CLYBL: variants seen among roughly 807,000 people sequenced by gnomAD.
The protein encoded by CLYBL is citramalyl-CoA lyase, also known as citramalyl-CoA lyase, mitochondrial.
CLYBL carries 31 observed loss-of-function variants against 38.9 expected under a neutral mutation model. That is an observed-to-expected ratio of 0.80 (90% CI 0.60 to 1.08). CLYBL has a LOEUF of 1.08. Among genes scored for constraint, CLYBL ranks in the 50% least tolerant of loss-of-function variants. CLYBL has a pLI of 0.00. For synonymous variants in CLYBL, 171 were observed against 158.6 expected, an observed-to-expected ratio of 1.08 and a Z score of -0.59; for missense variants, 434 against 411.6, an observed-to-expected ratio of 1.05 and a Z score of -0.47.
intron 2 of CLYBL, among the ~76,000 whole-genome samples, chr13:99,809,023 G>A (rs1234770474): frequency 6.6e-6 from 1 of 152,128 alleles, no homozygotes; most frequent in Non-Finnish European, 1.5e-5. Context: ...GATGGCTGGG[G>A]GAGGTGGGGT....
chr13:99,787,701 A>G (rs1263320953), intron 2 of CLYBL, among the ~76,000 whole-genome samples: 1 of 152,158 alleles, frequency 6.6e-6, no homozygotes, highest in Admixed American at 6.5e-5. Flanking sequence ...TTGGTTCCAT[A>G]TGAACTTTAA....
chr13:99,675,355 A>G (rs1200876713), intron 1 of CLYBL, among the ~76,000 whole-genome samples: 1 of 152,224 alleles, frequency 6.6e-6, no homozygotes, highest in Non-Finnish European at 1.5e-5. Context: ...AGCTTTATTG[A>G]GATATAATTT....
At chr13:99,676,198 T>G (rs755365804) in intron 1 of CLYBL, among the ~76,000 whole-genome samples, 157 of 63,034 alleles carry the variant, frequency 2.5e-3, no homozygotes, top group Middle Eastern at 8.2e-3. Context: ...CCTTCCTTCC[T>G]TCCTTCCTTC....
At chr13:99,810,745 A>G (rs1489213384) in intron 2 of CLYBL, among the ~76,000 whole-genome samples, 1 of 152,170 alleles carries the variant, frequency 6.6e-6, no homozygotes, top group Non-Finnish European at 1.5e-5. Context: ...CGGGGAGGCC[A>G]TCACCATGGT....
At chr13:99,804,087 G>C (rs1476144014) in intron 2 of CLYBL, among the ~76,000 whole-genome samples, 1 of 152,240 alleles carries the variant, frequency 6.6e-6, no homozygotes, top group Non-Finnish European at 1.5e-5. Context: ...TCAGAGGGTG[G>C]AGTGAGGACA....
rs540514036 is a variant in CLYBL, at chr13:99,763,151, C to T, written c.63-9673C>T. 2.6e-4 allele frequency among the ~76,000 whole-genome samples: 39 copies of T among 152,218 alleles called. 1 individual carries two copies. Among genetic ancestry groups the T allele is most frequent in the East Asian group, 2.1e-3 (11 of 5,186 alleles). ...GACTTCTTCTTTTCCAGTTTGGATA[C>T]CCTTTATTTTTTTCTCTTGCCTAAT... On this transcript the variant is annotated intron_variant, in intron 1 of 8. Transcript: ENST00000339105.
At chr13:99,789,974 T>A (rs1458937725) in intron 2 of CLYBL, among the ~76,000 whole-genome samples, 1 of 152,208 alleles carries the variant, frequency 6.6e-6, no homozygotes, top group Non-Finnish European at 1.5e-5. Flanking sequence ...TCTCTTTTGA[T>A]CTTTGTTGGT....
intron 2 of CLYBL, among the ~76,000 whole-genome samples, chr13:99,821,641 G>A (rs1363731517): frequency 1.3e-5 from 2 of 152,202 alleles, no homozygotes; most frequent in Non-Finnish European, 2.9e-5. Context: ...ATTGAGTCCA[G>A]ACTCAGGAGG....
At chr13:99,648,473 G>T (rs1023070869) in intron 1 of CLYBL, among the ~76,000 whole-genome samples, 2 of 152,144 alleles carry the variant, frequency 1.3e-5, no homozygotes, top group Admixed American at 1.3e-4. Flanking sequence ...GCTAGCCCTG[G>T]TTTTTTGTGA....
In CLYBL at chr13:99,790,939, C is replaced by T. The variant is rs1171023685; in HGVS notation, c.249+17929C>T. Among the ~76,000 whole-genome samples the T allele has an allele frequency of 2.6e-5, 4 of 152,162 alleles. No individual in the cohort carries two copies. In the East Asian group the frequency reaches 7.7e-4, roughly 29 times the overall value. Reference sequence around the variant, plus strand: ...ATGGCTCCTGAGAAACGGCTTCCTTCTGAAGCATAGAAGCAACTTATATGA... The same window carrying T: ...ATGGCTCCTGAGAAACGGCTTCCTTTTGAAGCATAGAAGCAACTTATATGA... On this transcript the variant is annotated intron_variant, in intron 2 of 8. Coordinates refer to ENST00000339105, the MANE Select transcript of CLYBL (RefSeq NM_206808.5).
At chr13:99,626,044 C>T (rs1256681432) in intron 1 of CLYBL, among the ~76,000 whole-genome samples, 1 of 152,180 alleles carries the variant, frequency 6.6e-6, no homozygotes, top group Non-Finnish European at 1.5e-5. Flanking sequence ...TTCAAGTGGC[C>T]AGTGCAGTAC....
intron 7 of CLYBL, 71 bp downstream of exon 7, chr13:99,871,133 G>A (rs1228143553): frequency 3.9e-6 from 6 of 1,523,270 alleles, no homozygotes; most frequent in Admixed American, 1.7e-5. Context: ...AAACAAATAT[G>A]TTGTGTGAAT....
rs1555314795 is a variant in CLYBL at position 99,833,007 on chromosome 13, CAT to C, written c.250-25831_250-25830del. Among the ~76,000 whole-genome samples, 362 of 51,554 alleles carry C rather than the reference CAT, an allele frequency of 7.0e-3. 5 individuals are homozygous for C. Among genetic ancestry groups the C allele is most frequent in the African/African-American group, 0.019 (240 of 12,968 alleles). The allele number at this position is 51,554 out of a possible 152,430, so 33.8% of individuals were successfully genotyped here. The stretch of plus-strand genomic sequence containing the variant: ...TAAGTAGTATATACATACATACATA[CAT>C]ATATATATATATATATATATATTTT... On this transcript the variant is annotated intron_variant, in intron 2 of 8. Coordinates refer to ENST00000339105, the MANE Select transcript of CLYBL (RefSeq NM_206808.5).
At chr13:99,845,555 G>T (rs1261017521) in intron 2 of CLYBL, among the ~76,000 whole-genome samples, 4 of 152,236 alleles carry the variant, frequency 2.6e-5, no homozygotes, top group African/African-American at 7.2e-5. Flanking sequence ...CAAATGCGGT[G>T]CCAGCCACGG....
At chr13:99,749,536 T>G (rs1310617980) in intron 1 of CLYBL, among the ~76,000 whole-genome samples, 2 of 152,196 alleles carry the variant, frequency 1.3e-5, no homozygotes, top group Non-Finnish European at 2.9e-5. Flanking sequence ...GAGTCCTTCC[T>G]TAGAAGCAAA....
At chr13:99,758,092 A>G (rs1017159203) in intron 1 of CLYBL, among the ~76,000 whole-genome samples, 2 of 152,202 alleles carry the variant, frequency 1.3e-5, no homozygotes, top group African/African-American at 4.8e-5. Flanking sequence ...AGAAAGCTTA[A>G]AAAGCCTGGG....
At chr13:99,715,900 C>T (rs1180858399) in intron 1 of CLYBL, among the ~76,000 whole-genome samples, 2 of 152,122 alleles carry the variant, frequency 1.3e-5, no homozygotes, top group Non-Finnish European at 2.9e-5. Context: ...ATTGATTCTT[C>T]TGTTATATCT....
chr13:99,813,405 T>C (rs2050381013), intron 2 of CLYBL, among the ~76,000 whole-genome samples: 1 of 152,216 alleles, frequency 6.6e-6, no homozygotes, highest in Non-Finnish European at 1.5e-5. Flanking sequence ...ATTTAGTACT[T>C]TGCATTTCTG....
chr13:99,668,990 C>A (rs1229410461), intron 1 of CLYBL, among the ~76,000 whole-genome samples: 1 of 149,794 alleles, frequency 6.7e-6, no homozygotes, highest in African/African-American at 2.5e-5. Context: ...CTAGGGGTGA[C>A]TTTATAGGCC....
Sources: allele counts gnomAD v4.1 joint callset (sites outside exome capture counted in the v4.1 genomes callset), GRCh38; gene constraint gnomAD v4.1.1; transcripts MANE v1.5; gene names NCBI Gene and HGNC (gene_info 2026-07-23, HGNC 2026-07-21).